The following FYN variants were observed in gnomAD, a reference collection of about 807,000 sequenced individuals.
FYN encodes tyrosine-protein kinase Fyn.
A neutral mutation model predicts 70.2 loss-of-function variants in FYN; 10 were observed. The ratio of observed to expected loss-of-function variants is 0.14; its 90% CI spans 0.09 to 0.24. FYN has a LOEUF of 0.24. FYN is among the 10% of genes least tolerant of loss of function. FYN has a pLI of 1.00. For missense variants in FYN, 319 were observed against 673.1 expected, an observed-to-expected ratio of 0.47 and a Z score of 5.82; for synonymous variants, 236 against 248.6, an observed-to-expected ratio of 0.95 and a Z score of 0.48.
At chr6:111,857,359 C>A (rs1773849097) in intron 1 of FYN, among the ~76,000 whole-genome samples, 1 of 152,160 alleles carries the variant, frequency 6.6e-6, no homozygotes, top group African/African-American at 2.4e-5. Flanking sequence ...GGAAAAACTG[C>A]CACTAGCTAA....
intron 6 of FYN, among the ~76,000 whole-genome samples, chr6:111,707,107 T>C (rs1800126026): frequency 6.6e-6 from 1 of 152,182 alleles, no homozygotes; most frequent in South Asian, 2.1e-4. Flanking sequence ...TGACTGACTT[T>C]TCTCAACTTC....
In FYN at chr6:111,661,928, C is replaced by A. The variant is rs775660992; in HGVS notation, c.1425G>T (p.Val475=). Residue 475 remains valine, a synonymous_variant, in exon 14 of 14, where the codon GTG becomes GTT. Transcript: ENST00000354650. The surrounding 1 kb of genome is among the most constrained non-coding windows in gnomAD (Gnocchi z 4.0). ...TGTAGCCTCGCTCCACCTGCTCCAG[C>A]ACCTCCCGGTTGTTCATGCCTGCAA... ...VPYPGMNNRE[V]LEQVERGYRM... is the part of the protein sequence containing the mutation. The A allele has an allele frequency of 2.1e-5, 34 of 1,612,474 alleles. 1 individual carries two copies. In the South Asian group the frequency reaches 3.7e-4, roughly 18 times the overall value.
At chr6:111,692,487 G>C (rs983334196) in intron 12 of FYN, among the ~76,000 whole-genome samples, 1 of 152,124 alleles carries the variant, frequency 6.6e-6, no homozygotes, top group Non-Finnish European at 1.5e-5. Context: ...CACAGCCTGA[G>C]GAGCCTCACT....
intron 3 of FYN, among the ~76,000 whole-genome samples, chr6:111,780,202 C>T (rs1459192610): frequency 1.3e-5 from 2 of 152,138 alleles, no homozygotes; most frequent in African/African-American, 2.4e-5. Context: ...ATGGGTCACA[C>T]GGATCTCTCT....
At chr6:111,843,773 C>G (rs900001028) in intron 2 of FYN, among the ~76,000 whole-genome samples, 1 of 152,128 alleles carries the variant, frequency 6.6e-6, no homozygotes, top group Non-Finnish European at 1.5e-5. Context: ...CTGATAAAGC[C>G]TGCAGTTCCA....
chr6:111,764,896 CTT>C (rs1341660406), intron 3 of FYN, among the ~76,000 whole-genome samples: 2 of 152,124 alleles, frequency 1.3e-5, no homozygotes, highest in Non-Finnish European at 2.9e-5. Context: ...CTCATTCTCT[CTT>C]GTTCCCCTTT....
chr6:111,685,202 T>A (rs924784525), intron 12 of FYN, among the ~76,000 whole-genome samples: 1 of 152,156 alleles, frequency 6.6e-6, no homozygotes, highest in African/African-American at 2.4e-5. Flanking sequence ...GGGATGTAGC[T>A]CAACACAGAA....
At chr6:111,703,719 A>C (rs1265794467) in intron 7 of FYN, among the ~76,000 whole-genome samples, 2 of 152,182 alleles carry the variant, frequency 1.3e-5, no homozygotes, top group African/African-American at 2.4e-5. Flanking sequence ...CAAAATTCTA[A>C]AGGACTTCTG....
chr6:111,700,209 G>C lies in FYN; in HGVS notation c.757C>G (p.Leu253Val). ...TTGGTTTTGACAGACAGATCGGTAA[G>C]CCTTGGCATCCCTTTGTGACAGGGA... ...VVPCHKGMPR[L>V]TDLSVKTKDV... The change falls in exon 9 of 14, where the codon CTT becomes GTT. Residue 253 changes from leucine (L) to valine (V), a missense_variant. Physicochemically the swap from Leu to Val is conservative, Grantham distance 32. Around this residue, in one of 4 missense-constraint regions of FYN, gnomAD observed 112 missense variants for 250.2 expected, o/e 0.45. Coordinates refer to ENST00000354650, the MANE Select transcript of FYN (RefSeq NM_002037.5). 1 of 1,614,158 alleles carries C rather than the reference G, an allele frequency of 6.2e-7. No homozygotes were observed. The highest frequency in any genetic ancestry group is 8.5e-7 in the Non-Finnish European group (1 of 1,180,020).
chr6:111,780,476 G>A (rs888102107), intron 3 of FYN, 90 bp downstream of exon 3: 2 of 152,566 alleles, frequency 1.3e-5, no homozygotes, highest in African/African-American at 4.8e-5. Flanking sequence ...TAGTGCAGAA[G>A]TAAAAGATGG....
intron 3 of FYN, among the ~76,000 whole-genome samples, chr6:111,743,695 T>C (rs760990391): frequency 8.5e-5 from 13 of 152,178 alleles, no homozygotes; most frequent in Non-Finnish European, 1.3e-4. Flanking sequence ...GACAAGAGGA[T>C]CCCAGAGATC....
At chr6:111,794,881 C>T (rs1160306347) in intron 2 of FYN, among the ~76,000 whole-genome samples, 1 of 152,168 alleles carries the variant, frequency 6.6e-6, no homozygotes, top group Non-Finnish European at 1.5e-5. Flanking sequence ...GAAGGATGTC[C>T]ACTCTGATTC....
At chr6:111,769,472 G>C (rs1269370799) in intron 3 of FYN, among the ~76,000 whole-genome samples, 1 of 152,154 alleles carries the variant, frequency 6.6e-6, no homozygotes, top group Non-Finnish European at 1.5e-5. Flanking sequence ...TCAGAGACTT[G>C]ACATTTAGTG....
intron 3 of FYN, among the ~76,000 whole-genome samples, chr6:111,773,625 AAAG>A: frequency 2.6e-5 from 1 of 38,844 alleles, no homozygotes; most frequent in East Asian, 1.1e-3. Context: ...AGAGAGGGGG[AAAG>A]GAGAGGGGGA....
At chr6:111,806,319 A>T (rs1772145573) in intron 2 of FYN, among the ~76,000 whole-genome samples, 1 of 152,142 alleles carries the variant, frequency 6.6e-6, no homozygotes, top group African/African-American at 2.4e-5. Context: ...TCTGAAGGCT[A>T]ACCAGAGGAG....
chr6:111,827,768 T>C (rs1054748175), intron 2 of FYN, among the ~76,000 whole-genome samples: 15 of 152,164 alleles, frequency 9.9e-5, no homozygotes, highest in African/African-American at 3.6e-4. Flanking sequence ...ACCAATTAGA[T>C]TGAGTCAACA....
At chr6:111,853,531 G>T (rs2114499139) in intron 1 of FYN, among the ~76,000 whole-genome samples, 1 of 152,214 alleles carries the variant, frequency 6.6e-6, no homozygotes, top group African/African-American at 2.4e-5. Context: ...CCTCTTGCTT[G>T]GGCTGTGGCA....
At chr6:111,789,347 G>A (rs921974895) in intron 2 of FYN, among the ~76,000 whole-genome samples, 3 of 152,190 alleles carry the variant, frequency 2.0e-5, no homozygotes, top group African/African-American at 7.2e-5. Context: ...GGTGGGCAGA[G>A]TCATGCAAAT....
At chr6:111,863,195 G>A (rs1161347430) in intron 1 of FYN, among the ~76,000 whole-genome samples, 2 of 152,192 alleles carry the variant, frequency 1.3e-5, no homozygotes, top group Non-Finnish European at 2.9e-5. Context: ...TGAGAGTGAA[G>A]CCAAACTAGA....
Sources: gnomAD v4.1 joint callset for allele counts (sites outside exome capture counted in the v4.1 genomes callset) on GRCh38, gnomAD v4.1.1 for gene constraint, gnomAD v4.1.1 regional missense constraint, Gnocchi (gnomAD v3.1) non-coding constraint, MANE v1.5 for transcripts, NCBI Gene and HGNC (gene_info 2026-07-23, HGNC 2026-07-21) for gene names.